GON4L: variants seen among roughly 807,000 people sequenced by gnomAD.
The protein encoded by GON4L is gon-4 like.
GON4L carries 87 observed loss-of-function variants against 211.8 expected under a neutral mutation model. The ratio of observed to expected loss-of-function variants is 0.41; its 90% CI spans 0.35 to 0.49. GON4L has a LOEUF of 0.49. Ranked by LOEUF, GON4L falls within the 20% of genes least tolerant of loss-of-function variation. The pLI, the probability that GON4L is intolerant of heterozygous loss-of-function variation, is 0.15. For missense variants in GON4L, 2,155 were observed against 2,659.5 expected (o/e 0.81, Z 4.17); for synonymous variants, 875 against 962.6 (o/e 0.91, Z 1.68).
At position 155,853,854 on chromosome 1, in the gene GON4L, T is replaced by C. The variant is rs1362749665; in HGVS notation, c.-26-48A>G. On this transcript the variant is annotated intron_variant, in intron 1 of 31. Transcript: ENST00000368331. Reference sequence around the variant, plus strand: ...CTGCCTTCATATTAATTAAAAGTAATAACATTTACTCAATTATCTTTTCAT... The same window carrying C: ...CTGCCTTCATATTAATTAAAAGTAACAACATTTACTCAATTATCTTTTCAT... The C allele has an allele frequency of 3.6e-6, 4 of 1,099,432 alleles. No homozygotes were observed. In the African/African-American group the frequency reaches 4.7e-5, roughly 13 times the overall value. The allele number at this position is 1,099,432 out of a possible 1,614,324, so 68.1% of individuals were successfully genotyped here. A position where few individuals can be genotyped will look rare whatever the true frequency, so the allele number is the denominator to read the frequency against.
At chr1:155,746,047 G>C (rs1385127029), downstream of GON4L, 2 of 774,772 alleles carry the variant, frequency 2.6e-6, no homozygotes, top group Admixed American at 2.5e-5. Flanking sequence ...GGAGCCCCCG[G>C]GAGAGCTGTG....
intron 10 of GON4L, among the ~76,000 whole-genome samples, chr1:155,812,005 C>T (rs1337533301): frequency 1.3e-5 from 2 of 149,656 alleles, no homozygotes; most frequent in Non-Finnish European, 3.0e-5. Context: ...GAGCTGAGGT[C>T]GCGCCACTGC....
Position 155,765,397 on chromosome 1 carries a change from C to A in GON4L, c.4076G>T (p.Gly1359Val). The change falls in exon 21 of 32, where the codon GGT becomes GTT. Residue 1359 changes from glycine to valine, a missense_variant. Gly to Val is a moderately radical substitution (Grantham distance 109). This residue lies in a region of GON4L where 615 missense variants were observed against 625.7 expected (regional missense o/e 0.98). Transcript: ENST00000368331. ...KVEHAVELDT[G>V]APSEELSSAG... is the part of the protein sequence containing the mutation. Reference sequence around the variant, plus strand: ...ACTGCTCAACTCCTCGCTTGGGGCACCAGTGTCCAATTCCACAGCATGTTC... The same window carrying A: ...ACTGCTCAACTCCTCGCTTGGGGCAACAGTGTCCAATTCCACAGCATGTTC... The A allele has an allele frequency of 6.2e-7, 1 of 1,614,182 alleles. No individual in the cohort carries two copies. Among genetic ancestry groups the A allele is most frequent in the Non-Finnish European group, 8.5e-7 (1 of 1,180,012 alleles).
rs1661011312 is a variant in GON4L at position 155,754,903 on chromosome 1, C to CA, written c.5518-416_5518-415insT. Among the ~76,000 whole-genome samples the CA allele has an allele frequency of 1.1e-4, 11 of 104,574 alleles. No homozygotes were observed. In the South Asian group the frequency reaches 2.8e-3, roughly 27 times the overall value. 68.6% of individuals were successfully genotyped at this position (104,574 alleles called of 152,430 possible). A position where few individuals can be genotyped will look rare whatever the true frequency, so the allele number is the denominator to read the frequency against. ...CAACACAGCCCACCCTCTCCCCATGCTTTTTTTTTTTTTTTTTTTTTGAGA... is the reference window on the plus strand; with the variant it reads ...CAACACAGCCCACCCTCTCCCCATGCATTTTTTTTTTTTTTTTTTTTTGAGA... On this transcript the variant is annotated intron_variant, in intron 27 of 31. Transcript: ENST00000368331.
rs566184057 is a variant in GON4L at position 155,763,526 on chromosome 1, C to T, written c.4512G>A (p.Arg1504=). The change falls in exon 22 of 32, where the codon AGG becomes AGA. Residue 1504 remains arginine, a synonymous_variant. Transcript: ENST00000368331. ...CAGACTCACCCTCCTGACTCATGCG[C>T]CTTTCAGATGCCAGCCAAGTCAGTT... The part of the protein sequence containing the change: ...MEKLTWLASE[R]RMSQEGESEE... 9 of 1,549,198 alleles carry T rather than the reference C, an allele frequency of 5.8e-6. No homozygotes were observed. Among genetic ancestry groups the T allele is most frequent in the South Asian group, 2.4e-5 (2 of 84,036 alleles).
chr1:155,757,294 C>T lies in GON4L; in HGVS notation c.5283G>A (p.Lys1761=). The T allele has an allele frequency of 5.0e-6, 8 of 1,613,842 alleles. No individual in the cohort carries two copies. The highest frequency in any genetic ancestry group is 6.8e-6 in the Non-Finnish European group (8 of 1,179,854). Residue 1761 remains lysine (K), a synonymous_variant, in exon 26 of 32, where the codon AAG becomes AAA. Coordinates refer to ENST00000368331, the MANE Select transcript of GON4L (RefSeq NM_001282860.2). ...ELKTQMWQLL[K]GHDHLQDEFS... The stretch of plus-strand genomic sequence containing the variant: ...ACTCATCCTGCAGGTGGTCGTGGCC[C>T]TTGAGGAGCTGCCACATCTGTGTCT...
chr1:155,837,676 C>T (rs1165813530), intron 2 of GON4L, among the ~76,000 whole-genome samples: 1 of 152,124 alleles, frequency 6.6e-6, no homozygotes, highest in Admixed American at 6.5e-5. Flanking sequence ...CATCCCCCTA[C>T]TCTCCCTCCT....
chr1:155,795,211 G>T, intron 11 of GON4L, 60 bp from the exon 12 acceptor site: 1 of 957,864 alleles, frequency 1.0e-6, no homozygotes, highest in Non-Finnish European at 1.7e-6. Context: ...CTAAGAATCT[G>T]TTCCAATAAA....
intron 1 of GON4L, among the ~76,000 whole-genome samples, chr1:155,856,668 T>G (rs1201613532): frequency 6.8e-6 from 1 of 147,886 alleles, no homozygotes; most frequent in Non-Finnish European, 1.5e-5. Context: ...TTGATTCCTG[T>G]GAGAGATGGT....
At chr1:155,752,994 A>C (rs1356338413) in intron 29 of GON4L, among the ~76,000 whole-genome samples, 1 of 152,130 alleles carries the variant, frequency 6.6e-6, no homozygotes, top group African/African-American at 2.4e-5. Context: ...AATTGCATGA[A>C]ATTTGTGGCA....
intron 25 of GON4L, 26 bp downstream of exon 25, chr1:155,757,865 G>T (rs1661360688): frequency 4.1e-6 from 1 of 242,478 alleles, no homozygotes; most frequent in Non-Finnish European, 7.0e-6. Flanking sequence ...AAGACAACAG[G>T]AAGAAAGCAG....
Position 155,776,476 on chromosome 1 carries a change from A to C in GON4L, c.2097T>G (p.Val699=). Residue 699 remains valine (V), a synonymous_variant, in exon 16 of 32, where the codon GTT becomes GTG. Transcript: ENST00000368331. The part of the protein sequence containing the change: ...KRLQQQMQQH[V]QLLTQIHLLA... ...GAAGGTGGATTTGGGTCAAGAGCTG[A>C]ACGTGCTGGGGATGGAAAGAAAATG... The C allele has an allele frequency of 6.2e-7, 1 of 1,610,506 alleles. No individual in the cohort carries two copies. Among genetic ancestry groups the C allele is most frequent in the South Asian group, 1.1e-5 (1 of 91,010 alleles).
At chr1:155,774,459 C>A (rs912086879) in intron 17 of GON4L, among the ~76,000 whole-genome samples, 2 of 151,982 alleles carry the variant, frequency 1.3e-5, no homozygotes, top group Non-Finnish European at 2.9e-5. Flanking sequence ...CAGGCGCGTG[C>A]CCCCATGCCT....
At chr1:155,811,003 A>ACTGTGACTCCATATC (rs1667712469) in intron 10 of GON4L, among the ~76,000 whole-genome samples, 1 of 152,012 alleles carries the variant, frequency 6.6e-6, no homozygotes, top group African/African-American at 2.4e-5. Context: ...TGCGTGACAG[A>ACTGTGACTCCATATC]CTGTGACTCC....
intron 2 of GON4L, among the ~76,000 whole-genome samples, chr1:155,847,014 C>CA (rs998026163): frequency 3.3e-5 from 5 of 151,468 alleles, no homozygotes; most frequent in Admixed American, 6.6e-5. Flanking sequence ...AACAAAAAAA[C>CA]AAAAAAAACA....
intron 12 of GON4L, among the ~76,000 whole-genome samples, chr1:155,792,585 T>G (rs1665706114): frequency 6.6e-6 from 1 of 152,080 alleles, no homozygotes; most frequent in East Asian, 1.9e-4. Flanking sequence ...AGCAAGAAGA[T>G]CAATCCTAAC....
At chr1:155,816,365 T>C in intron 6 of GON4L, 103 bp from the exon 7 acceptor site, 1 of 670,568 alleles carries the variant, frequency 1.5e-6, no homozygotes, top group South Asian at 1.7e-5. Context: ...ACTTAACAAG[T>C]AACTGCAGTG....
rs146474250 is a variant in GON4L, at chr1:155,843,453, G to T, written c.505+9823C>A. 1.7e-3 allele frequency among the ~76,000 whole-genome samples: 263 copies of T among 152,202 alleles called. 1 individual carries two copies. Among genetic ancestry groups the T allele is most frequent in the African/African-American group, 6.1e-3 (252 of 41,522 alleles). On this transcript the variant is annotated intron_variant, in intron 2 of 31. Coordinates refer to ENST00000368331, the MANE Select transcript of GON4L (RefSeq NM_001282860.2). ...AAACAGCTCTCTCCCACACTTAACA[G>T]ATTGACCTGACTCCTCTCCAACCAC... is the stretch of plus-strand genomic sequence containing the variant.
In GON4L at chr1:155,765,751, G is replaced by A; in HGVS notation, c.3722C>T (p.Ala1241Val). ...IACAVADGEN[A>V]FQGLEPKLEP... ...TAATTTGGGTTCTAGGCCCTGAAAG[G>A]CATTTTCCCCATCAGCCACAGCACA... Residue 1241 changes from alanine to valine, a missense_variant, in exon 21 of 32, where the codon GCC becomes GTC. This residue lies in a region of GON4L where 615 missense variants were observed against 625.7 expected (regional missense o/e 0.98). Transcript: ENST00000368331. 1.2e-6 allele frequency: 2 copies of A among 1,614,156 alleles called. No homozygotes were observed. The highest frequency in any genetic ancestry group is 1.7e-6 in the Non-Finnish European group (2 of 1,180,022).
Sources: gnomAD v4.1 joint callset for allele counts (sites outside exome capture counted in the v4.1 genomes callset) on GRCh38, gnomAD v4.1.1 for gene constraint, gnomAD v4.1.1 regional missense constraint, MANE v1.5 for transcripts, NCBI Gene and HGNC (gene_info 2026-07-23, HGNC 2026-07-21) for gene names.